Variants in ATP2C1 observed in about 807,000 individuals in gnomAD.
ATP2C1 encodes the protein calcium-transporting ATPase type 2C member 1.
In ATP2C1, 31 loss-of-function variants were observed where a neutral mutation model predicts 120.5. The observed-to-expected ratio is 0.26, with a 90% confidence interval of 0.19 to 0.35. The LOEUF (loss-of-function observed/expected upper bound fraction) is 0.35, where lower values mean the gene tolerates loss of function less well. Among genes scored for constraint, ATP2C1 ranks in the 10% least tolerant of loss-of-function variants. The pLI is 1.00. For synonymous variants in ATP2C1, 351 were observed against 358.7 expected (o/e 0.98, Z 0.24); for missense variants, 731 against 1,107.5 (o/e 0.66, Z 4.83).
intron 17 of ATP2C1, among the ~76,000 whole-genome samples, chr3:130,971,156 C>A (rs2061298219): frequency 6.6e-6 from 1 of 152,144 alleles, no homozygotes; most frequent in South Asian, 2.1e-4. Flanking sequence ...AGGTCTATTT[C>A]ATTACATTTT....
chr3:130,953,405 A>G (rs1472569168), intron 8 of ATP2C1, among the ~76,000 whole-genome samples: 1 of 152,034 alleles, frequency 6.6e-6, no homozygotes, highest in Non-Finnish European at 1.5e-5. Flanking sequence ...TTTCCCCTTT[A>G]TTCATTTATC....
intron 3 of ATP2C1, among the ~76,000 whole-genome samples, chr3:130,931,588 C>T (rs62282193): frequency 0.11 from 16,475 of 152,042 alleles, 1,027 homozygotes; most frequent in East Asian, 0.18. Context: ...TTAAAATGTA[C>T]TGTTATGCTT....
chr3:130,947,212 TC>T (rs1361499915), intron 8 of ATP2C1, among the ~76,000 whole-genome samples: 53 of 152,006 alleles, frequency 3.5e-4, no homozygotes, highest in African/African-American at 1.2e-3. Flanking sequence ...CTTAACCAGC[TC>T]TTAGACCATG....
At chr3:130,913,831 G>A (rs2058558980) in intron 2 of ATP2C1, among the ~76,000 whole-genome samples, 1 of 152,134 alleles carries the variant, frequency 6.6e-6, no homozygotes, top group African/African-American at 2.4e-5. Context: ...GACTTTTAGT[G>A]TTACACAATG....
At chr3:130,992,621 T>C (rs567709465) in intron 20 of ATP2C1, among the ~76,000 whole-genome samples, 4 of 152,302 alleles carry the variant, frequency 2.6e-5, no homozygotes, top group East Asian at 1.9e-4. Context: ...GCGAGTGTCA[T>C]AGGAAACAGA....
At chr3:131,014,566 A>G (rs762322124) in intron 26 of ATP2C1, among the ~76,000 whole-genome samples, 2 of 152,222 alleles carry the variant, frequency 1.3e-5, no homozygotes, top group Non-Finnish European at 2.9e-5. Flanking sequence ...AGCTGGTATG[A>G]CAAAGATTCT....
intron 2 of ATP2C1, among the ~76,000 whole-genome samples, chr3:130,900,427 TTTCA>T (rs2057764827): frequency 6.6e-6 from 1 of 152,082 alleles, no homozygotes; most frequent in African/African-American, 2.4e-5. Flanking sequence ...TAGAAATTAC[TTTCA>T]TTTATTTATT....
intron 2 of ATP2C1, among the ~76,000 whole-genome samples, chr3:130,913,123 C>A (rs2058516880): frequency 6.8e-6 from 1 of 147,200 alleles, no homozygotes; most frequent in Admixed American, 6.7e-5. Context: ...GGAGGGATAG[C>A]ATTGGGAGAT....
intron 8 of ATP2C1, among the ~76,000 whole-genome samples, chr3:130,949,492 CTG>C (rs1205375542): frequency 6.6e-6 from 1 of 152,130 alleles, no homozygotes; most frequent in Non-Finnish European, 1.5e-5. Context: ...GAAGCCATCT[CTG>C]TAACATATAA....
intron 23 of ATP2C1, 36 bp from the exon 24 acceptor site, chr3:130,996,644 C>T: frequency 7.5e-7 from 1 of 1,327,632 alleles, no homozygotes; most frequent in South Asian, 1.2e-5. Flanking sequence ...CAGATTTACT[C>T]TACTGATATT....
At chr3:130,858,949 T>A (rs900926498) in intron 1 of ATP2C1, among the ~76,000 whole-genome samples, 2 of 152,150 alleles carry the variant, frequency 1.3e-5, no homozygotes, top group African/African-American at 4.8e-5. Flanking sequence ...GATATACTAA[T>A]AAAGATGAAC....
At chr3:130,934,258 C>T (rs1432822383) in intron 4 of ATP2C1, among the ~76,000 whole-genome samples, 1 of 152,136 alleles carries the variant, frequency 6.6e-6, no homozygotes, top group Non-Finnish European at 1.5e-5. Flanking sequence ...CAGTATTTCG[C>T]CCAAATTTTT....
Position 130,976,501 on chromosome 3 carries a change from C to G in ATP2C1, c.1570+1013C>G, listed in dbSNP as rs117422988. Among the ~76,000 whole-genome samples the G allele has an allele frequency of 2.5e-4, 38 of 152,234 alleles. No individual in the cohort carries two copies. In the East Asian group the frequency reaches 6.0e-3, roughly 24 times the overall value. On this transcript the variant is annotated intron_variant, in intron 18 of 27. Coordinates refer to ENST00000510168, the MANE Select transcript of ATP2C1 (RefSeq NM_001378687.1). Reference sequence around the variant, plus strand: ...CATCTTAACACTTCATCCCCTGTCTCCAAGGAAATGGGAGGCAGAGACTCA... The same window carrying G: ...CATCTTAACACTTCATCCCCTGTCTGCAAGGAAATGGGAGGCAGAGACTCA...
At chr3:130,937,555 T>C (rs893390492) in intron 6 of ATP2C1, 92 bp downstream of exon 6, 46 of 1,005,404 alleles carry the variant, frequency 4.6e-5, no homozygotes, top group Non-Finnish European at 6.4e-5. Context: ...ATTGGGGGGT[T>C]GTAATGCCCA....
At chr3:131,013,763 G>A (rs2063437454) in intron 26 of ATP2C1, 1 of 207,140 alleles carries the variant, frequency 4.8e-6, no homozygotes, top group Non-Finnish European at 9.5e-6. Flanking sequence ...TGAGAATGTA[G>A]CTGGCTAAAT....
rs972829999 is a variant in ATP2C1, at chr3:130,953,805, C to A, written c.532-16C>A. On this transcript the variant is annotated splice_polypyrimidine_tract_variant and intron_variant, in intron 8 of 27. Transcript: ENST00000510168. ...TAGCACAAAATTTGAATCTGGGATT[C>A]TTTATGTTCCCTAAGGCTGTGGATC... 4 of 1,613,822 alleles carry A rather than the reference C, an allele frequency of 2.5e-6. No homozygotes were observed. Among genetic ancestry groups the A allele is most frequent in the Non-Finnish European group, 3.4e-6 (4 of 1,179,806 alleles).
chr3:130,947,823 C>G (rs1335467280), intron 8 of ATP2C1, among the ~76,000 whole-genome samples: 1 of 151,312 alleles, frequency 6.6e-6, no homozygotes, highest in Non-Finnish European at 1.5e-5. Context: ...CTTTTTTATT[C>G]CCTCAAATTA....
chr3:130,969,254 A>G (rs373310436), intron 16 of ATP2C1, 38 bp from the exon 17 acceptor site: 7 of 1,426,614 alleles, frequency 4.9e-6, no homozygotes, highest in Non-Finnish European at 6.9e-6. Context: ...AAATAATCAC[A>G]TATAGGTGAG....
chr3:130,896,847 GAT>G (rs1170825438), intron 2 of ATP2C1, among the ~76,000 whole-genome samples: 2 of 152,204 alleles, frequency 1.3e-5, no homozygotes, highest in South Asian at 2.1e-4. Flanking sequence ...AGGTAGGAAT[GAT>G]AACGTTTAAG....
Sources: allele counts gnomAD v4.1 joint callset (sites outside exome capture counted in the v4.1 genomes callset), GRCh38; gene constraint gnomAD v4.1.1; transcripts MANE v1.5; gene names NCBI Gene and HGNC (gene_info 2026-07-23, HGNC 2026-07-21).